Variants in TTF1 observed in about 807,000 individuals in gnomAD.
TTF1 encodes the protein transcription termination factor, RNA polymerase I.
A neutral mutation model predicts 80.2 loss-of-function variants in TTF1; 64 were observed. The ratio of observed to expected loss-of-function variants is 0.80; its 90% CI spans 0.65 to 0.98. TTF1 has a LOEUF of 0.98. Ranked by LOEUF, TTF1 falls within the 50% of genes least tolerant of loss-of-function variation. The pLI, the probability that TTF1 is intolerant of heterozygous loss-of-function variation, is 0.00. For missense variants in TTF1, 1,023 were observed against 1,086.2 expected (o/e 0.94, Z 0.82); for synonymous variants, 372 against 382.7 (o/e 0.97, Z 0.33).
rs1849570563 is a variant in TTF1 at position 132,392,114 on chromosome 9, C to G, written c.1949G>C (p.Ser650Thr). Reference sequence around the variant, plus strand: ...TGAGAACTTGAGGGCCACGGAGAGGCTACTTCGGGCCACCATCTCACCAAT... The same window carrying G: ...TGAGAACTTGAGGGCCACGGAGAGGGTACTTCGGGCCACCATCTCACCAAT... ...KTIGEMVARS[S>T]LSVALKFSQI... Residue 650 changes from serine (S) to threonine (T), a missense_variant, in exon 6 of 11, where the codon AGC becomes ACC. Coordinates refer to ENST00000334270, the MANE Select transcript of TTF1 (RefSeq NM_007344.4). 1 of 1,614,004 alleles carries G rather than the reference C, an allele frequency of 6.2e-7. No individual in the cohort carries two copies. Among genetic ancestry groups the G allele is most frequent in the Non-Finnish European group, 8.5e-7 (1 of 1,180,036 alleles).
intron 3 of TTF1, among the ~76,000 whole-genome samples, chr9:132,399,828 T>A (rs1489901294): frequency 3.3e-5 from 5 of 152,206 alleles, no homozygotes; most frequent in African/African-American, 1.2e-4. Flanking sequence ...CTGGCCACCT[T>A]TACCAGAAAC....
intron 4 of TTF1, among the ~76,000 whole-genome samples, chr9:132,397,195 G>C (rs1381988109): frequency 2.6e-5 from 4 of 152,198 alleles, no homozygotes; most frequent in African/African-American, 4.8e-5. Flanking sequence ...TGTGAATTAA[G>C]AGGAAGAGAA....
Position 132,392,190 on chromosome 9 carries a change from T to C in TTF1, c.1873A>G (p.Thr625Ala). 1 of 1,614,194 alleles carries C rather than the reference T, an allele frequency of 6.2e-7. No homozygotes were observed. Among genetic ancestry groups the C allele is most frequent in the South Asian group, 1.1e-5 (1 of 91,086 alleles). The change falls in exon 6 of 11, where the codon ACT (threonine) becomes GCT (alanine). Residue 625 changes from threonine to alanine, a missense_variant. Thr to Ala is a moderately conservative substitution (Grantham distance 58). Transcript: ENST00000334270. ...GAATGGTACATCTTTAACTTCTCAG[T>C]ATCTCCTTCGCTATACCTAGGAGAA... The part of the protein sequence containing the change: ...NYKGRYSEGD[T>A]EKLKMYHSLL...
At position 132,406,603 on chromosome 9, in the gene TTF1, T is replaced by TA. The variant is rs35899253; in HGVS notation, c.-8+186dup. ...GGCGACAAGAGCAAAACTCCATCTT[T>TA]AAAAAAAAAAAAAAAAAACACCCAA... On this transcript the variant is annotated intron_variant, in intron 1 of 10. Transcript: ENST00000334270. 1.5e-3 allele frequency among the ~76,000 whole-genome samples: 191 copies of TA among 125,404 alleles called. 1 individual carries two copies. Among genetic ancestry groups the TA allele is most frequent in the South Asian group, 4.3e-3 (16 of 3,762 alleles). The allele number at this position is 125,404 out of a possible 152,430, so 82.3% of individuals were successfully genotyped here.
Position 132,400,235 on chromosome 9 carries a change from T to C in TTF1, c.1391A>G (p.His464Arg). Residue 464 changes from histidine to arginine, a missense_variant, in exon 3 of 11, where the codon CAC (histidine) becomes CGC (arginine). Physicochemically the swap from His to Arg is conservative, Grantham distance 29 (BLOSUM62 0). Coordinates refer to ENST00000334270, the MANE Select transcript of TTF1 (RefSeq NM_007344.4). The stretch of plus-strand genomic sequence containing the variant: ...GGAATCTTCAGCTGTTTCCACATTG[T>C]GTTCTTCATTTGCAGGTTCTAACCT... ...APRLEPANEE[H>R]NVETAEDSEI... 1 of 1,614,248 alleles carries C rather than the reference T, an allele frequency of 6.2e-7. No individual in the cohort carries two copies. Among genetic ancestry groups the C allele is most frequent in the Non-Finnish European group, 8.5e-7 (1 of 1,180,040 alleles).
chr9:132,405,632 G>A (rs1191921924), intron 1 of TTF1, among the ~76,000 whole-genome samples: 1 of 152,124 alleles, frequency 6.6e-6, no homozygotes, highest in Non-Finnish European at 1.5e-5. Context: ...GTCTCTCCCT[G>A]CTAAAAACTT....
intron 1 of TTF1, 110 bp from the exon 2 acceptor site, chr9:132,402,938 C>T (rs1849796368): frequency 9.2e-7 from 1 of 1,081,114 alleles, no homozygotes; most frequent in African/African-American, 1.6e-5. Context: ...TCACTGCAAG[C>T]TCCGCCTCCT....
At chr9:132,397,026 C>T (rs1324503495) in intron 4 of TTF1, among the ~76,000 whole-genome samples, 1 of 152,078 alleles carries the variant, frequency 6.6e-6, no homozygotes, top group South Asian at 2.1e-4. Context: ...TGAGCCACCG[C>T]GCCCGGCCTA....
chr9:132,397,795 G>A (rs1341896342), intron 4 of TTF1, among the ~76,000 whole-genome samples: 2 of 152,008 alleles, frequency 1.3e-5, no homozygotes, highest in African/African-American at 4.8e-5. Context: ...GACCATCCTG[G>A]CTAACAAGGT....
At chr9:132,378,106 GGTGTGT>G (rs374121986) in intron 10 of TTF1, among the ~76,000 whole-genome samples, 2 of 91,438 alleles carry the variant, frequency 2.2e-5, no homozygotes, top group South Asian at 3.5e-4. Flanking sequence ...GAGTGCATGT[GGTGTGT>G]GTGAGTGCAT....
intron 1 of TTF1, 102 bp from the exon 2 acceptor site, chr9:132,402,930 A>G (rs903607224): frequency 1.7e-6 from 2 of 1,180,500 alleles, no homozygotes; most frequent in Admixed American, 2.8e-5. Context: ...ATCTCGGCTC[A>G]CTGCAAGCTC....
chr9:132,387,998 C>T lies in TTF1; in HGVS notation c.2312+141G>A, dbSNP rs1442151486. 4 of 571,976 alleles carry T rather than the reference C, an allele frequency of 7.0e-6. No homozygotes were observed. The East Asian group carries it at 1.2e-4, about 17-fold the overall frequency. 35.4% of individuals were successfully genotyped at this position (571,976 alleles called of 1,614,324 possible). A position where few individuals can be genotyped will look rare whatever the true frequency, so the allele number is the denominator to read the frequency against. On this transcript the variant is annotated intron_variant, in intron 8 of 10. Coordinates refer to ENST00000334270, the MANE Select transcript of TTF1 (RefSeq NM_007344.4). ...TAAACTGAGACTTAGAAGGGTAGGT[C>T]ATATGCCCACAATACATGCGGAAAG...
intron 2 of TTF1, 32 bp downstream of exon 2, chr9:132,401,423 T>C (rs373961256): frequency 1.9e-5 from 30 of 1,567,496 alleles, no homozygotes; most frequent in Non-Finnish European, 2.2e-5. Context: ...GAAAGAAATA[T>C]ACCAGCAGCT....
intron 4 of TTF1, 138 bp downstream of exon 4, chr9:132,398,003 T>C (rs1849684420): frequency 2.2e-5 from 13 of 582,874 alleles, no homozygotes; most frequent in Non-Finnish European, 3.6e-5. Context: ...AAAAAAAGAA[T>C]ATCATCAGCC....
intron 10 of TTF1, 74 bp downstream of exon 10, chr9:132,378,985 C>G: frequency 8.8e-7 from 1 of 1,133,608 alleles, no homozygotes; most frequent in South Asian, 1.5e-5. Flanking sequence ...AGTCACCTGC[C>G]TAGGTGACTT....
intron 9 of TTF1, 159 bp from the exon 10 acceptor site, chr9:132,379,303 TG>T (rs1159444144): frequency 1.6e-5 from 8 of 486,440 alleles, no homozygotes; most frequent in Non-Finnish European, 2.8e-5. Flanking sequence ...ACACAATTTT[TG>T]TGGAATATGG....
chr9:132,377,161 T>C (rs1167591886), intron 10 of TTF1, among the ~76,000 whole-genome samples: 1 of 149,940 alleles, frequency 6.7e-6, no homozygotes, highest in Non-Finnish European at 1.5e-5. Flanking sequence ...ATGCATGTGG[T>C]GAGTGCATGC....
intron 8 of TTF1, 60 bp from the exon 9 acceptor site, chr9:132,386,681 T>C (rs748566303): frequency 8.6e-6 from 12 of 1,389,980 alleles, no homozygotes; most frequent in Middle Eastern, 1.8e-4. Flanking sequence ...GCCATCTTCA[T>C]GGACGCGTGG....
chr9:132,377,909 T>C (rs1589813973), intron 10 of TTF1, among the ~76,000 whole-genome samples: 1 of 124,164 alleles, frequency 8.1e-6, no homozygotes, highest in African/African-American at 3.3e-5. Context: ...TGTGAGTGCA[T>C]GTGTGTGTGA....
Sources: gnomAD v4.1 joint callset for allele counts (sites outside exome capture counted in the v4.1 genomes callset) on GRCh38, gnomAD v4.1.1 for gene constraint, MANE v1.5 for transcripts, NCBI Gene and HGNC (gene_info 2026-07-23, HGNC 2026-07-21) for gene names.